OPCML: variants seen among roughly 807,000 people sequenced by gnomAD.
OPCML encodes opioid binding protein/cell adhesion molecule like.
A neutral mutation model predicts 37.8 loss-of-function variants in OPCML; 13 were observed. That is an observed-to-expected ratio of 0.34 (90% CI 0.22 to 0.55). The LOEUF is 0.55. OPCML is among the 20% of genes least tolerant of loss of function. OPCML has a pLI of 0.91. For missense variants in OPCML, 341 were observed against 435.6 expected (o/e 0.78, Z 1.93); for synonymous variants, 176 against 168.8 (o/e 1.04, Z -0.33).
intron 1 of OPCML, among the ~76,000 whole-genome samples, chr11:133,196,138 T>G (rs964757101): frequency 5.9e-5 from 9 of 152,194 alleles, no homozygotes; most frequent in African/African-American, 1.7e-4. Flanking sequence ...TGAAAATAAA[T>G]GTAGGAGGAA....
intron 1 of OPCML, among the ~76,000 whole-genome samples, chr11:133,094,773 T>C (rs2137059201): frequency 6.6e-6 from 1 of 152,286 alleles, no homozygotes; most frequent in African/African-American, 2.4e-5. Context: ...ATTAAAGTTC[T>C]CTTGAGATGC....
At chr11:133,338,724 C>T (rs900269313) in intron 1 of OPCML, among the ~76,000 whole-genome samples, 1 of 152,208 alleles carries the variant, frequency 6.6e-6, no homozygotes, top group Non-Finnish European at 1.5e-5. Context: ...CCCCAACCAT[C>T]CCTATAATCT....
At chr11:132,538,132 A>G (rs960797651) in intron 3 of OPCML, among the ~76,000 whole-genome samples, 3 of 152,224 alleles carry the variant, frequency 2.0e-5, no homozygotes, top group African/African-American at 7.2e-5. Context: ...AGCATTGGTC[A>G]TAATAGACAA....
intron 1 of OPCML, among the ~76,000 whole-genome samples, chr11:132,960,246 C>T (rs906411078): frequency 6.6e-6 from 1 of 152,106 alleles, no homozygotes; most frequent in Non-Finnish European, 1.5e-5. Flanking sequence ...AAACTGAGGC[C>T]CAAGATAAGA....
intron 2 of OPCML, among the ~76,000 whole-genome samples, chr11:132,751,385 T>C (rs1304557169): frequency 6.6e-6 from 1 of 152,156 alleles, no homozygotes; most frequent in East Asian, 1.9e-4. Flanking sequence ...GCAGTGTGGG[T>C]GAGAGTCAGA....
At chr11:132,692,094 C>A (rs1167424741) in intron 2 of OPCML, among the ~76,000 whole-genome samples, 1 of 152,170 alleles carries the variant, frequency 6.6e-6, no homozygotes, top group Non-Finnish European at 1.5e-5. Flanking sequence ...TTCTAGTGTT[C>A]TTCAATCAAA....
At chr11:133,007,286 G>A in intron 1 of OPCML, 1 of 985,438 alleles carries the variant, frequency 1.0e-6, no homozygotes, top group Non-Finnish European at 1.2e-6. Flanking sequence ...TATTTATGCT[G>A]TTGCAGGATA....
intron 1 of OPCML, among the ~76,000 whole-genome samples, chr11:133,393,950 C>G (rs570161299): frequency 3.3e-5 from 5 of 152,224 alleles, no homozygotes; most frequent in African/African-American, 1.2e-4. Context: ...CCAAGTGGCC[C>G]AGGCCTGAGG....
At chr11:133,436,362 A>C (rs1946233609) in intron 1 of OPCML, among the ~76,000 whole-genome samples, 1 of 152,168 alleles carries the variant, frequency 6.6e-6, no homozygotes, top group African/African-American at 2.4e-5. Context: ...CGGGTAAGGA[A>C]CCGGGTGGCC....
chr11:133,240,434 G>A (rs1039402933), intron 1 of OPCML, among the ~76,000 whole-genome samples: 5 of 152,042 alleles, frequency 3.3e-5, no homozygotes, highest in South Asian at 2.1e-4. Flanking sequence ...ATTGTTCACC[G>A]CACCAGACAC....
At chr11:132,834,263 T>C (rs896108785) in intron 2 of OPCML, among the ~76,000 whole-genome samples, 1 of 152,232 alleles carries the variant, frequency 6.6e-6, no homozygotes, top group African/African-American at 2.4e-5. Context: ...GTTCCACTCA[T>C]ACCACCTTGT....
intron 1 of OPCML, among the ~76,000 whole-genome samples, chr11:133,398,326 C>G (rs1274283246): frequency 6.6e-6 from 1 of 152,182 alleles, no homozygotes; most frequent in Non-Finnish European, 1.5e-5. Flanking sequence ...TTTGTTATGT[C>G]CCAGCGTAGC....
chr11:132,530,590 C>G (rs557251932), intron 3 of OPCML, among the ~76,000 whole-genome samples: 2 of 152,272 alleles, frequency 1.3e-5, no homozygotes, highest in African/African-American at 4.8e-5. Context: ...TTCTGCATGA[C>G]CTGAGCTCTC....
intron 1 of OPCML, among the ~76,000 whole-genome samples, chr11:132,980,680 G>A (rs11223310): frequency 0.13 from 19,580 of 152,082 alleles, 1,474 homozygotes; most frequent in Non-Finnish European, 0.16. Flanking sequence ...ATTCTCCCTC[G>A]GTGGTTTCCG....
chr11:133,184,929 C>T (rs1938005698), intron 1 of OPCML, among the ~76,000 whole-genome samples: 1 of 152,128 alleles, frequency 6.6e-6, no homozygotes, highest in Non-Finnish European at 1.5e-5. Context: ...CCTTGGGAAC[C>T]TGAGTGGTGA....
chr11:132,503,276 A>T (rs926918293), intron 4 of OPCML, among the ~76,000 whole-genome samples: 1 of 152,146 alleles, frequency 6.6e-6, no homozygotes, highest in Non-Finnish European at 1.5e-5. Context: ...ACCCTATCTC[A>T]AAGGTTCTCC....
intron 2 of OPCML, among the ~76,000 whole-genome samples, chr11:132,805,578 C>T (rs1477567863): frequency 6.6e-6 from 1 of 152,166 alleles, no homozygotes; most frequent in Non-Finnish European, 1.5e-5. Context: ...ACTCTGACTT[C>T]TCATCAGAGC....
intron 1 of OPCML, among the ~76,000 whole-genome samples, chr11:133,351,089 G>C (rs941272769): frequency 2.0e-5 from 3 of 152,190 alleles, no homozygotes; most frequent in Non-Finnish European, 4.4e-5. Flanking sequence ...TGTTAAGATG[G>C]ACTGAGTTAC....
intron 3 of OPCML, among the ~76,000 whole-genome samples, chr11:132,651,961 C>T (rs1371261977): frequency 6.6e-6 from 1 of 152,138 alleles, no homozygotes; most frequent in Non-Finnish European, 1.5e-5. Context: ...AGAATACCTA[C>T]ATCCAAAAAG....
Sources: allele counts gnomAD v4.1 joint callset (sites outside exome capture counted in the v4.1 genomes callset), GRCh38; gene constraint gnomAD v4.1.1; transcripts MANE v1.5; gene names NCBI Gene and HGNC (gene_info 2026-07-23, HGNC 2026-07-21).